NEXMIF: variants seen among roughly 807,000 people sequenced by gnomAD.
NEXMIF encodes XLMR protein related to neurite extension.
A neutral mutation model predicts 62.1 loss-of-function variants in NEXMIF; 8 were observed. The ratio of observed to expected loss-of-function variants is 0.13; its 90% CI spans 0.08 to 0.23. The LOEUF is 0.23. Ranked by LOEUF, NEXMIF falls within the 10% of genes least tolerant of loss-of-function variation. The pLI, the probability that NEXMIF is intolerant of heterozygous loss-of-function variation, is 1.00. For synonymous variants in NEXMIF, 404 were observed against 416.6 expected (o/e 0.97, Z 0.37); for missense variants, 976 against 1,113.3 (o/e 0.88, Z 1.75).
chrX:74,804,661 C>A (rs1160159152), intron 1 of NEXMIF, among the ~76,000 whole-genome samples: 3 of 111,946 alleles, frequency 2.7e-5, no homozygotes, highest in Non-Finnish European at 5.6e-5. Flanking sequence ...CCTCTCCTCT[C>A]TTCAAGTGGA....
chrX:74,876,297 G>A (rs1290738239), intron 1 of NEXMIF, among the ~76,000 whole-genome samples: 5 of 111,333 alleles, frequency 4.5e-5, no homozygotes, highest in African/African-American at 9.9e-5. Flanking sequence ...GTAGTTGAGC[G>A]GTTTTGAGTG....
chrX:74,790,431 T>C (rs2080276920), intron 1 of NEXMIF, among the ~76,000 whole-genome samples: 1 of 112,728 alleles, frequency 8.9e-6, no homozygotes, highest in Admixed American at 9.3e-5. Flanking sequence ...CTTTGTTCTT[T>C]TGGCTTAGGA....
intron 1 of NEXMIF, among the ~76,000 whole-genome samples, chrX:74,815,112 TTAAAG>T (rs2080372002): frequency 8.9e-6 from 1 of 112,715 alleles, no homozygotes; most frequent in Admixed American, 9.4e-5. Context: ...AGGTATGTAA[TTAAAG>T]TAGTGATTTA....
At chrX:74,813,617 C>G (rs2080367283) in intron 1 of NEXMIF, among the ~76,000 whole-genome samples, 1 of 112,352 alleles carries the variant, frequency 8.9e-6, no homozygotes. Flanking sequence ...TCTCTCACAA[C>G]TAGTGAGCTA....
intron 1 of NEXMIF, among the ~76,000 whole-genome samples, chrX:74,753,702 T>C (rs1003501928): frequency 4.2e-5 from 4 of 95,076 alleles, no homozygotes; most frequent in African/African-American, 1.7e-4. Context: ...ATTTCCTCCT[T>C]ACACACACAC....
intron 1 of NEXMIF, among the ~76,000 whole-genome samples, chrX:74,771,031 C>T (rs1278769569): frequency 2.7e-5 from 3 of 111,903 alleles, no homozygotes; most frequent in Non-Finnish European, 5.6e-5. Flanking sequence ...AACATTCTAT[C>T]GTCCCACACA....
chrX:74,825,840 AC>A (rs1487807061), intron 1 of NEXMIF, among the ~76,000 whole-genome samples: 2 of 112,489 alleles, frequency 1.8e-5, no homozygotes, highest in East Asian at 5.6e-4. Context: ...GGTGTGAGCC[AC>A]CACCCGGCCA....
At chrX:74,814,010 A>G (rs2080368354) in intron 1 of NEXMIF, among the ~76,000 whole-genome samples, 1 of 111,909 alleles carries the variant, frequency 8.9e-6, no homozygotes, top group Admixed American at 9.5e-5. Context: ...TCAGAACCAG[A>G]ATTTCTGAAT....
chrX:74,850,582 C>A (rs1308010229), intron 1 of NEXMIF, among the ~76,000 whole-genome samples: 2 of 112,039 alleles, frequency 1.8e-5, no homozygotes, highest in Admixed American at 9.5e-5. Flanking sequence ...ACACCCTAAG[C>A]TACTGAGGAA....
At chrX:74,920,361 T>C (rs1470052004) in intron 1 of NEXMIF, among the ~76,000 whole-genome samples, 1 of 112,439 alleles carries the variant, frequency 8.9e-6, no homozygotes, top group Admixed American at 9.4e-5. Flanking sequence ...TTCATTTGCA[T>C]TTCTCTGATG....
rs768711259 is a variant in NEXMIF, at chrX:74,747,376, C to A, written c.-47-1679G>T. ...CACAATGAGAGATCTATGAAAAAAA[C>A]CCCCCAAGTTTCCTGACCAAGAGAC... On this transcript the variant is annotated intron_variant, in intron 1 of 3. Coordinates refer to ENST00000055682, the MANE Select transcript of NEXMIF (RefSeq NM_001008537.3). Among the ~76,000 whole-genome samples, 18 of 111,115 alleles carry A rather than the reference C, an allele frequency of 1.6e-4. No individual in the cohort carries two copies. In the South Asian group the frequency reaches 5.0e-3, roughly 31 times the overall value.
chrX:74,800,769 T>G (rs751986737), intron 1 of NEXMIF, among the ~76,000 whole-genome samples: 2 of 111,457 alleles, frequency 1.8e-5, no homozygotes, highest in Non-Finnish European at 3.8e-5. Flanking sequence ...AAATTTTATT[T>G]ATTTAGCAAT....
chrX:74,740,900 G>A lies in NEXMIF; in HGVS notation c.3657C>T (p.Val1219=), dbSNP rs1475316956. 5.0e-6 allele frequency: 6 copies of A among 1,209,967 alleles called. No homozygotes were observed. In the East Asian group the frequency reaches 8.9e-5, roughly 18 times the overall value. ...EKPPGKNSRQ[V]PKSTKKGKYM... is the part of the protein sequence containing the mutation. ...ATTTCCCTTTCTTTGTGGACTTAGG[G>A]ACCTGGCGGGAGTTTTTGCCAGGTG... The change falls in exon 3 of 4, where the codon GTC becomes GTT. Residue 1219 remains valine, a synonymous_variant. Coordinates refer to ENST00000055682, the MANE Select transcript of NEXMIF (RefSeq NM_001008537.3).
chrX:74,799,347 T>G (rs991926427), intron 1 of NEXMIF, among the ~76,000 whole-genome samples: 1 of 111,682 alleles, frequency 9.0e-6, no homozygotes. Context: ...CTACAAGATC[T>G]TATTAGAATA....
chrX:74,830,569 T>A (rs937026470), intron 1 of NEXMIF, among the ~76,000 whole-genome samples: 2 of 111,026 alleles, frequency 1.8e-5, no homozygotes, highest in Admixed American at 9.6e-5. Flanking sequence ...CTTTAGGTTT[T>A]AAAAAAAAAT....
chrX:74,740,509 C>T lies in NEXMIF; in HGVS notation c.4048G>A (p.Asp1350Asn), dbSNP rs200982385. The T allele has an allele frequency of 1.4e-4, 165 of 1,209,252 alleles. No individual in the cohort carries two copies. Among genetic ancestry groups the T allele is most frequent in the Middle Eastern group, 2.3e-4 (1 of 4,360 alleles). The change falls in exon 3 of 4, where the codon GAT (aspartate) becomes AAT (asparagine). Residue 1350 changes from aspartate to asparagine, a missense_variant. Asp to Asn is a conservative substitution (Grantham distance 23). Transcript: ENST00000055682. The stretch of plus-strand genomic sequence containing the variant: ...TCAGGGGAGTAGAATATGTTGGGAT[C>T]CCCATGGTGCTCCATGGGTTCCCAA... ...PLWEPMEHHG[D>N]PNIFYSPESN... is the part of the protein sequence containing the mutation.
intron 1 of NEXMIF, among the ~76,000 whole-genome samples, chrX:74,832,795 CAT>C (rs1483686019): frequency 9.0e-6 from 1 of 111,175 alleles, no homozygotes; most frequent in African/African-American, 3.3e-5. Flanking sequence ...TTGTGTCCCA[CAT>C]GTTTTTGTAT....
intron 1 of NEXMIF, among the ~76,000 whole-genome samples, chrX:74,888,793 C>T (rs2080707063): frequency 8.9e-6 from 1 of 112,074 alleles, no homozygotes; most frequent in East Asian, 2.8e-4. Context: ...TGCAGACATA[C>T]ACTTTTACTC....
At chrX:74,892,313 A>C (rs954579952) in intron 1 of NEXMIF, among the ~76,000 whole-genome samples, 1 of 112,422 alleles carries the variant, frequency 8.9e-6, no homozygotes, top group Non-Finnish European at 1.9e-5. Context: ...AATTTGTTAC[A>C]GGGCTTCCAA....
Sources: allele counts gnomAD v4.1 joint callset (sites outside exome capture counted in the v4.1 genomes callset), GRCh38; gene constraint gnomAD v4.1.1; transcripts MANE v1.5; gene names NCBI Gene and HGNC (gene_info 2026-07-23, HGNC 2026-07-21).